CDH13: variants seen among roughly 807,000 people sequenced by gnomAD.
CDH13 encodes the protein cadherin-13.
Under a neutral mutation model 63.8 loss-of-function variants are expected in CDH13, and 24 were observed. The ratio of observed to expected loss-of-function variants is 0.38; its 90% CI spans 0.27 to 0.53. CDH13 has a LOEUF of 0.53. CDH13 is among the 20% of genes least tolerant of loss of function. The pLI, the probability that CDH13 is intolerant of heterozygous loss-of-function variation, is 0.85. For synonymous variants in CDH13, 503 were observed against 355.3 expected (o/e 1.42, Z -4.67); for missense variants, 1,049 against 903.1 (o/e 1.16, Z -2.07).
At chr16:83,316,732 G>A (rs980341922) in intron 5 of CDH13, among the ~76,000 whole-genome samples, 1 of 152,184 alleles carries the variant, frequency 6.6e-6, no homozygotes, top group African/African-American at 2.4e-5. Context: ...ATTCTGTAAT[G>A]CATTTGATTT....
intron 9 of CDH13, among the ~76,000 whole-genome samples, chr16:83,673,054 A>G (rs1914652913): frequency 6.6e-6 from 1 of 152,230 alleles, no homozygotes; most frequent in African/African-American, 2.4e-5. Context: ...GTCCCCATGA[A>G]TAATATACAG....
At chr16:83,619,487 C>G (rs1310180297) in intron 8 of CDH13, among the ~76,000 whole-genome samples, 1 of 152,250 alleles carries the variant, frequency 6.6e-6, no homozygotes, top group Non-Finnish European at 1.5e-5. Context: ...CCTCACAGCT[C>G]TGGAGGCAGA....
At chr16:83,196,245 G>A (rs1351192688) in intron 4 of CDH13, among the ~76,000 whole-genome samples, 1 of 151,590 alleles carries the variant, frequency 6.6e-6, no homozygotes, top group Non-Finnish European at 1.5e-5. Flanking sequence ...AACAGAGTGA[G>A]ATTCCATCTC....
In CDH13 at chr16:83,000,229, T is replaced by TA. The variant is rs1567731536; in HGVS notation, c.158-31781_158-31780insA. Reference sequence around the variant, plus strand: ...ATATCCACAGGTTTAGCTTATTTTTTTTTTTTTTTTTTTTTTTTTTTTTTT... The same window carrying TA: ...ATATCCACAGGTTTAGCTTATTTTTTATTTTTTTTTTTTTTTTTTTTTTTTT... On this transcript the variant is annotated intron_variant, in intron 2 of 13. Transcript: ENST00000567109. 1.3e-4 allele frequency among the ~76,000 whole-genome samples: 10 copies of TA among 76,276 alleles called. No homozygotes were observed. The South Asian group carries it at 2.9e-3, about 22-fold the overall frequency. 50.0% of individuals were successfully genotyped at this position (76,276 alleles called of 152,430 possible). A position where few individuals can be genotyped will look rare whatever the true frequency, so the allele number is the denominator to read the frequency against.
intron 4 of CDH13, among the ~76,000 whole-genome samples, chr16:83,164,785 T>C (rs1009175413): frequency 1.3e-5 from 2 of 151,642 alleles, no homozygotes; most frequent in Non-Finnish European, 2.9e-5. Flanking sequence ...CTGCCAGTAA[T>C]AGAGACTACC....
chr16:83,406,157 C>G (rs2092041315), intron 6 of CDH13, among the ~76,000 whole-genome samples: 2 of 152,182 alleles, frequency 1.3e-5, no homozygotes, highest in South Asian at 4.1e-4. Flanking sequence ...TGCCCAGGCC[C>G]CTGTCTATGA....
chr16:82,980,011 G>A (rs185437866), intron 2 of CDH13, among the ~76,000 whole-genome samples: 3 of 152,216 alleles, frequency 2.0e-5, no homozygotes, highest in Admixed American at 2.0e-4. Flanking sequence ...TTTATAAAGG[G>A]GCAGTTTATA....
intron 1 of CDH13, among the ~76,000 whole-genome samples, chr16:82,687,126 C>T (rs1480269120): frequency 6.6e-6 from 1 of 152,236 alleles, no homozygotes; most frequent in African/African-American, 2.4e-5. Flanking sequence ...GGCTGCAGGT[C>T]ATCTGTTTAC....
At chr16:82,939,263 A>C (rs2042758788) in intron 2 of CDH13, among the ~76,000 whole-genome samples, 1 of 152,116 alleles carries the variant, frequency 6.6e-6, no homozygotes, top group Non-Finnish European at 1.5e-5. Flanking sequence ...GTTCTACTAG[A>C]AATACAAAAA....
intron 5 of CDH13, among the ~76,000 whole-genome samples, chr16:83,312,973 C>G (rs2090032720): frequency 6.6e-6 from 1 of 152,186 alleles, no homozygotes; most frequent in Admixed American, 6.5e-5. Flanking sequence ...TTTCCCAGTG[C>G]TTGCAGGGAG....
chr16:83,274,976 A>G (rs751041395), intron 5 of CDH13, among the ~76,000 whole-genome samples: 1 of 152,008 alleles, frequency 6.6e-6, no homozygotes, highest in South Asian at 2.1e-4. Flanking sequence ...AAAATTCCAT[A>G]CTTCCAGCCC....
At chr16:83,419,228 A>T (rs568351560) in intron 6 of CDH13, among the ~76,000 whole-genome samples, 1 of 152,180 alleles carries the variant, frequency 6.6e-6, no homozygotes, top group East Asian at 1.9e-4. Context: ...GAGTCTACAT[A>T]TAGGTTTACT....
chr16:83,725,212 G>T (rs542597131), intron 10 of CDH13, among the ~76,000 whole-genome samples: 24 of 152,312 alleles, frequency 1.6e-4, no homozygotes, highest in Middle Eastern at 3.4e-3. Flanking sequence ...CCAGGGCAAG[G>T]ATGTTCAGGC....
chr16:83,451,223 A>C (rs769461910), intron 6 of CDH13, among the ~76,000 whole-genome samples: 93 of 152,218 alleles, frequency 6.1e-4, no homozygotes, highest in Non-Finnish European at 1.1e-3. Context: ...TTAATGACTC[A>C]CAGTTCCACA....
intron 3 of CDH13, among the ~76,000 whole-genome samples, chr16:83,041,487 A>G (rs565791398): frequency 2.6e-5 from 4 of 152,280 alleles, no homozygotes; most frequent in South Asian, 2.1e-4. Context: ...AAAATATAAA[A>G]TATATCGTCA....
At chr16:83,448,746 G>T (rs1352996688) in intron 6 of CDH13, among the ~76,000 whole-genome samples, 1 of 152,122 alleles carries the variant, frequency 6.6e-6, no homozygotes, top group Non-Finnish European at 1.5e-5. Context: ...AGCTGGGGAA[G>T]GTGAACTTCA....
intron 1 of CDH13, among the ~76,000 whole-genome samples, chr16:82,818,671 C>G (rs567893611): frequency 1.3e-5 from 2 of 152,266 alleles, no homozygotes; most frequent in African/African-American, 2.4e-5. Context: ...GGCTTCATAG[C>G]TGTAGAAATC....
intron 5 of CDH13, among the ~76,000 whole-genome samples, chr16:83,254,293 A>T (rs921093898): frequency 1.3e-5 from 2 of 152,194 alleles, no homozygotes; most frequent in African/African-American, 4.8e-5. Flanking sequence ...TAGCATCATG[A>T]TCGTTCCTTA....
At chr16:82,841,707 C>G (rs1209554176) in intron 1 of CDH13, among the ~76,000 whole-genome samples, 1 of 152,034 alleles carries the variant, frequency 6.6e-6, no homozygotes, top group Non-Finnish European at 1.5e-5. Context: ...TGGGAAAGAG[C>G]AAAGCTGTAC....
Sources: gnomAD v4.1 joint callset for allele counts (sites outside exome capture counted in the v4.1 genomes callset) on GRCh38, gnomAD v4.1.1 for gene constraint, MANE v1.5 for transcripts, NCBI Gene and HGNC (gene_info 2026-07-23, HGNC 2026-07-21) for gene names.